Variants in C8orf34 observed in about 807,000 individuals in gnomAD.
C8orf34 encodes the protein chromosome 8 open reading frame 34.
Under a neutral mutation model 68.3 loss-of-function variants are expected in C8orf34, and 65 were observed. That is an observed-to-expected ratio of 0.95 (90% CI 0.78 to 1.17). The LOEUF is 1.17. Ranked by LOEUF, C8orf34 falls within the 50% of genes most tolerant of loss-of-function variation. The probability of loss-of-function intolerance (pLI) is 0.00; values close to 1 mark genes in which losing one functional copy is unlikely to be tolerated. For missense variants in C8orf34, 664 were observed against 655.4 expected, an observed-to-expected ratio of 1.01 and a Z score of -0.14; for synonymous variants, 244 against 241.2, an observed-to-expected ratio of 1.01 and a Z score of -0.11.
chr8:68,559,351 T>G (rs1816351360), intron 7 of C8orf34, among the ~76,000 whole-genome samples: 1 of 152,154 alleles, frequency 6.6e-6, no homozygotes, highest in African/African-American at 2.4e-5. Flanking sequence ...AAGAAACGAC[T>G]TTATATTAGT....
chr8:68,428,418 G>A (rs578235605), intron 1 of C8orf34, among the ~76,000 whole-genome samples: 3 of 152,132 alleles, frequency 2.0e-5, no homozygotes, highest in East Asian at 3.9e-4. Flanking sequence ...CAAGCCATGC[G>A]TGATAACTGG....
At chr8:68,497,539 T>C (rs1813577994) in intron 5 of C8orf34, among the ~76,000 whole-genome samples, 1 of 152,096 alleles carries the variant, frequency 6.6e-6, no homozygotes, top group Admixed American at 6.5e-5. Context: ...CTAGCAAAAA[T>C]ACAAAAAGAC....
At chr8:68,770,657 C>G (rs4351405) in intron 10 of C8orf34, among the ~76,000 whole-genome samples, 59,323 of 151,988 alleles carry the variant, frequency 0.39, 12,585 homozygotes, top group East Asian at 0.58. Flanking sequence ...TTTCACATGG[C>G]AGTGAAGGAA....
intron 12 of C8orf34, chr8:68,791,005 C>A: frequency 1.7e-6 from 1 of 599,794 alleles, no homozygotes; most frequent in South Asian, 2.1e-5. Flanking sequence ...CTTTCCTCAT[C>A]TATAAATAAG....
At chr8:68,482,336 A>G (rs1812894753) in intron 4 of C8orf34, among the ~76,000 whole-genome samples, 1 of 152,228 alleles carries the variant, frequency 6.6e-6, no homozygotes, top group Non-Finnish European at 1.5e-5. Context: ...CCATGTGAAA[A>G]CAAACTAATA....
intron 3 of C8orf34, among the ~76,000 whole-genome samples, chr8:68,461,479 CAT>C (rs1811822979): frequency 1.3e-5 from 2 of 150,506 alleles, no homozygotes; most frequent in Admixed American, 1.3e-4. Flanking sequence ...AACTCCAAGA[CAT>C]ATAATTGTCA....
At position 68,586,620 on chromosome 8, in the gene C8orf34, C is replaced by G. The variant is rs190610591; in HGVS notation, c.1105+53471C>G. On this transcript the variant is annotated intron_variant, in intron 7 of 13. Coordinates refer to ENST00000518698, the MANE Select transcript of C8orf34 (RefSeq NM_052958.4). ...ATCCTACTCAACCCTTCAGGCACCTCACATTCTTTCCCTGAAATGTGACTA... is the reference window on the plus strand; with the variant it reads ...ATCCTACTCAACCCTTCAGGCACCTGACATTCTTTCCCTGAAATGTGACTA... 4.1e-3 allele frequency among the ~76,000 whole-genome samples: 621 copies of G among 152,270 alleles called. 5 individuals carry two copies. The highest frequency in any genetic ancestry group is 0.014 in the African/African-American group (592 of 41,554).
At chr8:68,495,263 C>T (rs1230713099) in intron 5 of C8orf34, among the ~76,000 whole-genome samples, 1 of 151,022 alleles carries the variant, frequency 6.6e-6, no homozygotes, top group Non-Finnish European at 1.5e-5. Flanking sequence ...TTTAAATAGA[C>T]ATGTAACAAT....
At position 68,667,534 on chromosome 8, in the gene C8orf34, C is replaced by T. The variant is rs1585699775; in HGVS notation, c.1241+27023C>T. Among the ~76,000 whole-genome samples the T allele has an allele frequency of 2.6e-5, 4 of 152,190 alleles. 1 individual carries two copies. On this transcript the variant is annotated intron_variant, in intron 8 of 13. Coordinates refer to ENST00000518698, the MANE Select transcript of C8orf34 (RefSeq NM_052958.4). ...TCAATCAATATTTTTTGAATTCCTA[C>T]CCTGTGCAAGGATCTGTGGTGCTAA...
chr8:68,435,089 A>T (rs1810605095), intron 1 of C8orf34, among the ~76,000 whole-genome samples: 1 of 150,570 alleles, frequency 6.6e-6, no homozygotes, highest in African/African-American at 2.4e-5. Flanking sequence ...TTTTATTATC[A>T]GAAAATATAA....
At chr8:68,695,116 G>A (rs1820789217) in intron 8 of C8orf34, among the ~76,000 whole-genome samples, 1 of 150,814 alleles carries the variant, frequency 6.6e-6, no homozygotes, top group Non-Finnish European at 1.5e-5. Flanking sequence ...TAATGCTAAA[G>A]TAAGAATTAC....
chr8:68,374,762 AT>A (rs1807719497), intron 1 of C8orf34, among the ~76,000 whole-genome samples: 1 of 152,172 alleles, frequency 6.6e-6, no homozygotes. Context: ...TAAAATTATT[AT>A]TTTGTCTTAG....
intron 6 of C8orf34, among the ~76,000 whole-genome samples, chr8:68,524,041 T>G (rs987398498): frequency 3.9e-5 from 6 of 152,224 alleles, no homozygotes; most frequent in Admixed American, 1.3e-4. Flanking sequence ...AGCTTATTGA[T>G]GAGAAGAACC....
At chr8:68,785,587 C>A (rs543012377) in intron 11 of C8orf34, among the ~76,000 whole-genome samples, 1 of 152,304 alleles carries the variant, frequency 6.6e-6, no homozygotes, top group African/African-American at 2.4e-5. Context: ...ACCTTATTTC[C>A]TCCCCCTTCA....
intron 9 of C8orf34, among the ~76,000 whole-genome samples, chr8:68,716,170 G>C (rs1382812427): frequency 6.6e-6 from 1 of 151,944 alleles, no homozygotes; most frequent in Non-Finnish European, 1.5e-5. Flanking sequence ...TGGGGGAAAG[G>C]GTGGGGGTGG....
intron 6 of C8orf34, among the ~76,000 whole-genome samples, chr8:68,526,897 G>A (rs574057811): frequency 2.0e-4 from 30 of 152,286 alleles, no homozygotes; most frequent in Non-Finnish European, 4.0e-4. Flanking sequence ...GGAGTCAGGA[G>A]GAGGAGGGCC....
At chr8:68,534,890 G>A (rs1019912459) in intron 7 of C8orf34, 1 of 985,358 alleles carries the variant, frequency 1.0e-6, no homozygotes, top group Non-Finnish European at 1.2e-6. Flanking sequence ...ATCTAATGAT[G>A]AGCAATTAAT....
At chr8:68,631,195 G>A (rs934025185) in intron 7 of C8orf34, among the ~76,000 whole-genome samples, 47 of 152,072 alleles carry the variant, frequency 3.1e-4, no homozygotes, top group African/African-American at 1.1e-3. Flanking sequence ...CTGGGAGATG[G>A]AGGTTGCAGT....
At chr8:68,664,205 G>A (rs1371679502) in intron 8 of C8orf34, among the ~76,000 whole-genome samples, 6 of 152,144 alleles carry the variant, frequency 3.9e-5, no homozygotes, top group Non-Finnish European at 7.3e-5. Context: ...TCACTTGTGT[G>A]TGTACACTCC....
Sources: gnomAD v4.1 joint callset for allele counts (sites outside exome capture counted in the v4.1 genomes callset) on GRCh38, gnomAD v4.1.1 for gene constraint, MANE v1.5 for transcripts, NCBI Gene and HGNC (gene_info 2026-07-23, HGNC 2026-07-21) for gene names.